The following CDH26 variants were observed in gnomAD, a reference collection of about 807,000 sequenced individuals.
The protein encoded by CDH26 is cadherin-like protein 26.
CDH26 carries 83 observed loss-of-function variants against 90.3 expected under a neutral mutation model. That is an observed-to-expected ratio of 0.92 (90% CI 0.77 to 1.10). CDH26 has a LOEUF of 1.10. Among genes scored for constraint, CDH26 ranks in the 50% least tolerant of loss-of-function variants. CDH26 has a pLI of 0.00. For missense variants in CDH26, 1,013 were observed against 1,037.6 expected (o/e 0.98, Z 0.33); for synonymous variants, 397 against 396.3 (o/e 1.00, Z -0.02).
downstream of CDH26, among the ~76,000 whole-genome samples, chr20:60,035,517 T>C (rs1459831959): frequency 6.6e-6 from 1 of 152,258 alleles, no homozygotes; most frequent in Non-Finnish European, 1.5e-5. Context: ...AAATTATGTT[T>C]ATGAGCCACT....
chr20:59,966,562 G>T (rs1384280708), intron 1 of CDH26, among the ~76,000 whole-genome samples: 1 of 152,254 alleles, frequency 6.6e-6, no homozygotes, highest in Non-Finnish European at 1.5e-5. Context: ...GCATGGTGGT[G>T]AAGAATACAA....
rs747494000 is a variant in CDH26 at position 59,958,641 on chromosome 20, A to C, written c.-86A>C. ...TTTAGAGAAGAAGCTGCTGGCTGAG[A>C]AGGAGGTGTGTGGCTCCGGTGAGAC... On this transcript the variant is annotated 5_prime_UTR_variant, in exon 1 of 18. Transcript: ENST00000348616. 1.1e-4 allele frequency: 134 copies of C among 1,265,656 alleles called. No homozygotes were observed. The highest frequency in any genetic ancestry group is 1.5e-4 in the Non-Finnish European group (129 of 869,776). 78.4% of individuals were successfully genotyped at this position (1,265,656 alleles called of 1,614,324 possible).
In CDH26 at chr20:59,984,515, T is replaced by C. The variant is rs963239002; in HGVS notation, c.542-124T>C. 107 of 670,980 alleles carry C rather than the reference T, an allele frequency of 1.6e-4. 1 individual carries two copies. The highest frequency in any genetic ancestry group is 2.2e-4 in the Non-Finnish European group (90 of 404,828). The allele number at this position is 670,980 out of a possible 1,614,324, so 41.6% of individuals were successfully genotyped here. A position where few individuals can be genotyped will look rare whatever the true frequency, so the allele number is the denominator to read the frequency against. On this transcript the variant is annotated intron_variant, in intron 5 of 17. Transcript: ENST00000348616. ...TTTCTAGTATGTCCATAGTTTATTT[T>C]ATATTTAAACATTCCACTCATTTTG... is the stretch of plus-strand genomic sequence containing the variant.
At chr20:59,960,227 T>A (rs1342406489) in intron 1 of CDH26, among the ~76,000 whole-genome samples, 1 of 152,210 alleles carries the variant, frequency 6.6e-6, no homozygotes, top group Non-Finnish European at 1.5e-5. Context: ...TGGGTGTCAG[T>A]GCACTGGTTT....
At chr20:60,007,989 AC>A (rs1212622648) in intron 17 of CDH26, among the ~76,000 whole-genome samples, 1 of 152,108 alleles carries the variant, frequency 6.6e-6, no homozygotes, top group Non-Finnish European at 1.5e-5. Flanking sequence ...AGCTGGGCAA[AC>A]CCATGGGCAG....
intron 7 of CDH26, among the ~76,000 whole-genome samples, chr20:60,028,888 C>T (rs928925455): frequency 2.0e-5 from 3 of 152,148 alleles, no homozygotes; most frequent in East Asian, 1.9e-4. Context: ...CTCTCACGTT[C>T]GCTGCAGCGT....
Position 59,983,094 on chromosome 20 carries a change from G to T in CDH26, c.541+24G>T, listed in dbSNP as rs549703311. The T allele has an allele frequency of 2.3e-5, 37 of 1,609,928 alleles. No individual in the cohort carries two copies. In the Middle Eastern group the frequency reaches 1.8e-3, roughly 79 times the overall value. ...AGGTGTGTGCGGCTGGGGGGCTGCC[G>T]GGCTTCCTTCTGTCTCTGCTCTGTT... is the stretch of plus-strand genomic sequence containing the variant. On this transcript the variant is annotated intron_variant, in intron 5 of 17. Transcript: ENST00000348616.
intron 1 of CDH26, among the ~76,000 whole-genome samples, chr20:59,967,532 A>C (rs2061165085): frequency 6.6e-6 from 1 of 152,188 alleles, no homozygotes; most frequent in Non-Finnish European, 1.5e-5. Flanking sequence ...TTGGTATAAA[A>C]CTTATAAGAT....
intron 8 of CDH26, among the ~76,000 whole-genome samples, chr20:60,031,827 C>T (rs1035219011): frequency 6.6e-6 from 1 of 152,108 alleles, no homozygotes; most frequent in African/African-American, 2.4e-5. Flanking sequence ...AAGTTTTCAT[C>T]CTCCCACTTT....
chr20:59,983,578 G>A (rs931841909), intron 5 of CDH26, among the ~76,000 whole-genome samples: 5 of 152,186 alleles, frequency 3.3e-5, no homozygotes, highest in Admixed American at 6.5e-5. Flanking sequence ...TGTTACCCAT[G>A]AGAGATAACA....
chr20:59,992,257 C>T lies in CDH26; in HGVS notation c.1284-121C>T. On this transcript the variant is annotated intron_variant, in intron 9 of 17. Transcript: ENST00000348616. The surrounding 1 kb of genome is among the most constrained non-coding windows in gnomAD (Gnocchi z 5.0). ...CGTAGTTTAATTGCTCTTAGAATTT[C>T]TCAAATTACTTGTGGTAGAAATAGT... 1 of 958,628 alleles carries T rather than the reference C, an allele frequency of 1.0e-6. No homozygotes were observed. The highest frequency in any genetic ancestry group is 1.5e-6 in the Non-Finnish European group (1 of 647,984). The allele number at this position is 958,628 out of a possible 1,614,324, so 59.4% of individuals were successfully genotyped here.
chr20:60,031,542 G>C, intron 8 of CDH26: 1 of 1,011,398 alleles, frequency 9.9e-7, no homozygotes, highest in Non-Finnish European at 1.2e-6. Context: ...TTAATTATTT[G>C]TAAAAACATC....
intron 1 of CDH26, among the ~76,000 whole-genome samples, chr20:59,965,101 CTT>C (rs1047593583): frequency 2.0e-5 from 3 of 152,230 alleles, no homozygotes; most frequent in Admixed American, 2.0e-4. Context: ...AGATTTCAGA[CTT>C]AAACTCAGAG....
chr20:59,979,343 C>T (rs1032786606), intron 4 of CDH26, among the ~76,000 whole-genome samples: 6 of 151,824 alleles, frequency 4.0e-5, no homozygotes, highest in South Asian at 2.1e-4. Flanking sequence ...GGACTACAGG[C>T]GCCTGCCACC....
rs2061179952 is a variant in CDH26, at chr20:59,967,871, T to TCTC, written c.70-1096_70-1095insCTC. Among the ~76,000 whole-genome samples, 23 of 108,558 alleles carry TCTC rather than the reference T, an allele frequency of 2.1e-4. 1 individual carries two copies. The highest frequency in any genetic ancestry group is 1.4e-3 in the African/African-American group (23 of 16,028). 71.2% of individuals were successfully genotyped at this position (108,558 alleles called of 152,430 possible). On this transcript the variant is annotated intron_variant, in intron 1 of 17. Coordinates refer to ENST00000348616, the MANE Select transcript of CDH26 (RefSeq NM_177980.4). ...TTTCTTTCTTTCTTTCTTTCTTTCT[T>TCTC]TCTTTCTTCCTTCCTTCCTTCCTTC...
At chr20:59,983,096 G>A (rs769035918) in intron 5 of CDH26, 26 bp downstream of exon 5, 2 of 1,609,380 alleles carry the variant, frequency 1.2e-6, no homozygotes, top group South Asian at 1.1e-5. Context: ...GGGCTGCCGG[G>A]CTTCCTTCTG....
rs148785603 is a variant in CDH26, at chr20:60,001,501, G to A, written c.2166+90G>A. On this transcript the variant is annotated intron_variant, in intron 15 of 17. Coordinates refer to ENST00000348616, the MANE Select transcript of CDH26 (RefSeq NM_177980.4). ...GAGAGAGGGCCGTTGTAGAAGATTC[G>A]GTGATACTGTCAGAAAAAGGCACAT... 771 of 1,526,062 alleles carry A rather than the reference G, an allele frequency of 5.1e-4. 1 individual carries two copies. The highest frequency in any genetic ancestry group is 6.4e-4 in the Non-Finnish European group (732 of 1,136,262). The allele number at this position is 1,526,062 out of a possible 1,614,324, so 94.5% of individuals were successfully genotyped here. A position where few individuals can be genotyped will look rare whatever the true frequency, so the allele number is the denominator to read the frequency against.
At chr20:60,015,153 T>G (rs538900461), downstream of CDH26, among the ~76,000 whole-genome samples, 1 of 152,252 alleles carries the variant, frequency 6.6e-6, no homozygotes, top group Non-Finnish European at 1.5e-5. Flanking sequence ...CCCAGTTAAT[T>G]TTTTGTATTT....
In CDH26 at chr20:60,021,885, C is replaced by CAT. The variant is rs1308262740; in HGVS notation, c.948-9345_948-9344insTA. Among the ~76,000 whole-genome samples, 132 of 53,334 alleles carry CAT rather than the reference C, an allele frequency of 2.5e-3. 2 individuals are homozygous for CAT. Among genetic ancestry groups the CAT allele is most frequent in the South Asian group, 0.012 (16 of 1,340 alleles). 35.0% of individuals were successfully genotyped at this position (53,334 alleles called of 152,430 possible). ...ACACACACACACACACACACACACA[C>CAT]ACACACACACACATATATATATATA... is the stretch of plus-strand genomic sequence containing the variant. On this transcript the variant is annotated intron_variant, in intron 7 of 8. Transcript: ENST00000370991.
Sources: allele counts gnomAD v4.1 joint callset (sites outside exome capture counted in the v4.1 genomes callset), GRCh38; gene constraint gnomAD v4.1.1; non-coding constraint Gnocchi (gnomAD v3.1); transcripts MANE v1.5; gene names NCBI Gene and HGNC (gene_info 2026-07-23, HGNC 2026-07-21).